Variants in SLC5A11 observed in about 807,000 individuals in gnomAD.
SLC5A11 encodes sodium/myo-inositol cotransporter 2.
A neutral mutation model predicts 69.8 loss-of-function variants in SLC5A11; 48 were observed. That is an observed-to-expected ratio of 0.69 (90% CI 0.55 to 0.87). SLC5A11 has a LOEUF of 0.87. Among genes scored for constraint, SLC5A11 ranks in the 40% least tolerant of loss-of-function variants. SLC5A11 has a pLI of 0.00. For synonymous variants in SLC5A11, 319 were observed against 342.4 expected (o/e 0.93, Z 0.75); for missense variants, 784 against 866.1 (o/e 0.91, Z 1.19).
intron 8 of SLC5A11, among the ~76,000 whole-genome samples, chr16:24,889,347 T>C (rs1597196698): frequency 1.3e-5 from 2 of 151,836 alleles, no homozygotes; most frequent in African/African-American, 4.8e-5. Context: ...CTGGATGTGG[T>C]GGTACATGCC....
chr16:24,908,340 T>A (rs1178412416), intron 13 of SLC5A11, among the ~76,000 whole-genome samples: 1 of 152,164 alleles, frequency 6.6e-6, no homozygotes, highest in African/African-American at 2.4e-5. Flanking sequence ...GGCTCACACC[T>A]GTAATCCCAG....
exon 9 of SLC5A11, chr16:24,890,900 G>A (rs1359064986): frequency 6.2e-7 from 1 of 1,614,164 alleles, no homozygotes; most frequent in Non-Finnish European, 8.5e-7. Context: ...TGGAAGGACT[G>A]AAGGAGAAGT....
intron 1 of SLC5A11, among the ~76,000 whole-genome samples, chr16:24,851,215 C>G (rs1486953534): frequency 6.6e-6 from 1 of 151,956 alleles, no homozygotes; most frequent in African/African-American, 2.4e-5. Flanking sequence ...AATGCAGTCT[C>G]AAACTCCTGG....
rs759195007 is a variant in SLC5A11 at position 24,907,012 on chromosome 16, C to T, written c.1115-13C>T. 6.2e-7 allele frequency: 1 copy of T among 1,612,904 alleles called. No homozygotes were observed. Among genetic ancestry groups the T allele is most frequent in the Non-Finnish European group, 8.5e-7 (1 of 1,179,362 alleles). On this transcript the variant is annotated splice_polypyrimidine_tract_variant and intron_variant, in intron 11 of 15. Coordinates refer to ENST00000347898, the Ensembl canonical transcript of SLC5A11. The stretch of plus-strand genomic sequence containing the variant: ...AAAAGGACCGAGGCCCATGACCTCC[C>T]TTCCGCCCCCAGGGCTCCGTGGGCT...
rs543986115 is a variant in SLC5A11, at chr16:24,873,847, G to A, written c.372+1628G>A. Among the ~76,000 whole-genome samples the A allele has an allele frequency of 6.7e-4, 97 of 144,318 alleles. No individual in the cohort carries two copies. In the South Asian group the frequency reaches 9.7e-3, roughly 14 times the overall value. The allele number at this position is 144,318 out of a possible 152,430, so 94.7% of individuals were successfully genotyped here. On this transcript the variant is annotated intron_variant, in intron 5 of 15. Transcript: ENST00000347898. ...AGTAATTTTTTTTTTTTTTTTTGAGGCAGAGTTTCGCTCTGCTGCCCAGGC... is the reference window on the plus strand; with the variant it reads ...AGTAATTTTTTTTTTTTTTTTTGAGACAGAGTTTCGCTCTGCTGCCCAGGC...
At chr16:24,903,505 C>T (rs961149824) in intron 10 of SLC5A11, among the ~76,000 whole-genome samples, 4 of 152,178 alleles carry the variant, frequency 2.6e-5, no homozygotes, top group Non-Finnish European at 4.4e-5. Context: ...ACCCTCCTCC[C>T]CACTACCCTT....
chr16:24,884,223 T>TG, intron 8 of SLC5A11, 92 bp downstream of exon 9: 2 of 1,266,054 alleles, frequency 1.6e-6, no homozygotes, highest in Non-Finnish European at 2.3e-6. Flanking sequence ...CAAACCTAGC[T>TG]GTCAAAGAGC....
At chr16:24,898,214 C>T in intron 10 of SLC5A11, 105 bp downstream of exon 11, 1 of 1,398,592 alleles carries the variant, frequency 7.2e-7, no homozygotes, top group Non-Finnish European at 9.6e-7. Flanking sequence ...GACTACAGTC[C>T]TTTCTCTCTT....
intron 14 of SLC5A11, 23 bp from the exon 16 acceptor site, chr16:24,910,283 C>T (rs1306548757): frequency 1.2e-6 from 2 of 1,610,462 alleles, no homozygotes; most frequent in African/African-American, 2.7e-5. Context: ...CCACAAATCT[C>T]ATCATTCATC....
chr16:24,906,753 T>G, exon 11 of SLC5A11: 1 of 1,612,390 alleles, frequency 6.2e-7, no homozygotes, highest in Non-Finnish European at 8.5e-7. Flanking sequence ...GTGCTGGAAC[T>G]CCTGCCCACA....
intron 10 of SLC5A11, among the ~76,000 whole-genome samples, chr16:24,902,424 T>G (rs1328484095): frequency 6.6e-6 from 1 of 152,168 alleles, no homozygotes. Flanking sequence ...AATCCAGATG[T>G]AGCTGATTCT....
chr16:24,907,286 T>C, intron 12 of SLC5A11, 111 bp downstream of exon 13: 4 of 1,192,552 alleles, frequency 3.4e-6, no homozygotes, highest in Non-Finnish European at 4.8e-6. Flanking sequence ...GCATTAGGAC[T>C]CCATGTGCAA....
chr16:24,870,462 C>CACACAT (rs2047217270), intron 4 of SLC5A11, among the ~76,000 whole-genome samples: 2 of 150,396 alleles, frequency 1.3e-5, no homozygotes, highest in African/African-American at 4.9e-5. Flanking sequence ...CACACACACA[C>CACACAT]ACAAACCCAA....
intron 10 of SLC5A11, among the ~76,000 whole-genome samples, chr16:24,901,934 ACACACACACACACACACACACACG>A (rs1424513135): frequency 2.4e-5 from 1 of 41,758 alleles, no homozygotes; most frequent in Non-Finnish European, 6.4e-5. Flanking sequence ...AAAAAAATAC[ACACACACACACACACACACACACG>A]CACACACACA....
intron 15 of SLC5A11, 51 bp from the exon 17 acceptor site, chr16:24,911,277 C>G (rs2050504343): frequency 6.3e-7 from 1 of 1,580,858 alleles, no homozygotes. Context: ...TCTCACCTCT[C>G]TGGGAGATAC....
chr16:24,884,513 G>GTTTTTTTTTTTTTTTTTT (rs10572531), intron 8 of SLC5A11, among the ~76,000 whole-genome samples: 1 of 110,272 alleles, frequency 9.1e-6, no homozygotes, highest in African/African-American at 3.3e-5. Flanking sequence ...TTTTTATTTT[G>GTTTTTTTTTTTTTTTTTT]TTTTTTTTTT....
At chr16:24,875,823 C>A in intron 6 of SLC5A11, 92 bp downstream of exon 7, 1 of 1,019,198 alleles carries the variant, frequency 9.8e-7, no homozygotes, top group Non-Finnish European at 1.5e-6. Flanking sequence ...TCGCTATCCC[C>A]TTTCTCCTCG....
At chr16:24,859,638 T>C (rs1267155253) in intron 2 of SLC5A11, among the ~76,000 whole-genome samples, 1 of 152,216 alleles carries the variant, frequency 6.6e-6, no homozygotes, top group African/African-American at 2.4e-5. Flanking sequence ...TCCCTCTTTC[T>C]TAAACAGAAG....
intron 15 of SLC5A11, 27 bp from the exon 17 acceptor site, chr16:24,911,301 G>T: frequency 6.2e-7 from 1 of 1,611,462 alleles, no homozygotes; most frequent in South Asian, 1.1e-5. Flanking sequence ...CCACCTCTAC[G>T]GTCTTCCTTT....
Sources: allele counts gnomAD v4.1 joint callset (sites outside exome capture counted in the v4.1 genomes callset), GRCh38; gene constraint gnomAD v4.1.1; transcripts MANE v1.5; gene names NCBI Gene and HGNC (gene_info 2026-07-23, HGNC 2026-07-21).